WDPCP: variants seen among roughly 807,000 people sequenced by gnomAD.
WDPCP encodes WD repeat-containing and planar cell polarity effector protein fritz homolog.
A neutral mutation model predicts 93.1 loss-of-function variants in WDPCP; 71 were observed. That is an observed-to-expected ratio of 0.76 (90% CI 0.63 to 0.93). The LOEUF is 0.93. WDPCP is among the 40% of genes least tolerant of loss of function. The pLI, the probability that WDPCP is intolerant of heterozygous loss-of-function variation, is 0.00. For missense variants in WDPCP, 844 were observed against 887.4 expected, an observed-to-expected ratio of 0.95 and a Z score of 0.62; for synonymous variants, 315 against 315.0, an observed-to-expected ratio of 1.00 and a Z score of 0.00.
At position 63,308,623 on chromosome 2, in the gene WDPCP, C is replaced by T. The variant is rs560129612; in HGVS notation, c.1812+4625G>A. On this transcript the variant is annotated intron_variant, in intron 13 of 17. Transcript: ENST00000272321. ...ATGGATGAAGCTGGAAACCATCATT[C>T]TCAGCAAGCTAACACAGGAACAGAA... Among the ~76,000 whole-genome samples the T allele has an allele frequency of 6.6e-5, 10 of 152,204 alleles. No homozygotes were observed. In the East Asian group the frequency reaches 1.5e-3, roughly 24 times the overall value.
intron 1 of WDPCP, among the ~76,000 whole-genome samples, chr2:63,587,450 A>T (rs1204620600): frequency 1.3e-5 from 2 of 152,250 alleles, no homozygotes; most frequent in East Asian, 3.8e-4. Flanking sequence ...AAAGCATTAC[A>T]TTTCTTTCCA....
chr2:63,257,069 C>G (rs1381369738), intron 14 of WDPCP, among the ~76,000 whole-genome samples: 1 of 152,114 alleles, frequency 6.6e-6, no homozygotes, highest in Non-Finnish European at 1.5e-5. Flanking sequence ...GCATGTTAGA[C>G]TTCAATAAAA....
intron 2 of WDPCP, among the ~76,000 whole-genome samples, chr2:63,727,148 C>T (rs756123194): frequency 5.8e-4 from 89 of 152,210 alleles, no homozygotes; most frequent in Non-Finnish European, 1.1e-3. Context: ...ATGCTTTCAG[C>T]TTTTGCCCAT....
intron 9 of WDPCP, among the ~76,000 whole-genome samples, chr2:63,414,167 T>A (rs1695230650): frequency 6.6e-6 from 1 of 151,798 alleles, no homozygotes; most frequent in East Asian, 1.9e-4. Flanking sequence ...AATCAAAACA[T>A]AAAAAAACAG....
rs1240526807 is a variant in WDPCP at position 63,695,733 on chromosome 2, G to A, written n.309-44895C>T. Among the ~76,000 whole-genome samples, 6 of 151,996 alleles carry A rather than the reference G, an allele frequency of 3.9e-5. No individual in the cohort carries two copies. The East Asian group carries it at 5.8e-4, about 15-fold the overall frequency. On this transcript the variant is annotated intron_variant and non_coding_transcript_variant, in intron 2 of 4. Transcript: ENST00000467687. Reference sequence around the variant, plus strand: ...ACACACCCATGTAACCAGCACCCAGGTCAAAACCCAAAATGTTATCCACCC... The same window carrying A: ...ACACACCCATGTAACCAGCACCCAGATCAAAACCCAAAATGTTATCCACCC...
chr2:63,823,016 A>G (rs1671046381), intron 1 of WDPCP, among the ~76,000 whole-genome samples: 1 of 151,698 alleles, frequency 6.6e-6, no homozygotes, highest in African/African-American at 2.4e-5. Flanking sequence ...CAAATAACTC[A>G]TCAGAAAAAC....
At chr2:63,515,157 A>C (rs1321217319) in intron 1 of WDPCP, among the ~76,000 whole-genome samples, 1 of 152,286 alleles carries the variant, frequency 6.6e-6, no homozygotes, top group Non-Finnish European at 1.5e-5. Flanking sequence ...ATTTTAATAT[A>C]TTTATAAATT....
At position 63,279,478 on chromosome 2, in the gene WDPCP, C is replaced by G. The variant is rs548026060; in HGVS notation, c.1813-20069G>C. Among the ~76,000 whole-genome samples, 15 of 152,294 alleles carry G rather than the reference C, an allele frequency of 9.8e-5. 1 individual carries two copies. In the South Asian group the frequency reaches 3.1e-3, roughly 32 times the overall value. On this transcript the variant is annotated intron_variant, in intron 13 of 17. Transcript: ENST00000272321. ...CAGACCTTAATGTAATAAAAGCCAT[C>G]TATGACAAACCCACAGCCAACATAA...
chr2:63,618,406 G>A (rs939604865), intron 3 of WDPCP, among the ~76,000 whole-genome samples: 4 of 152,284 alleles, frequency 2.6e-5, no homozygotes, highest in African/African-American at 7.2e-5. Context: ...AAGTACATTC[G>A]AGTCTCATCA....
intron 1 of WDPCP, among the ~76,000 whole-genome samples, chr2:63,557,703 C>T (rs1040897508): frequency 3.3e-5 from 5 of 152,068 alleles, no homozygotes; most frequent in African/African-American, 1.2e-4. Context: ...ACATTCTTCT[C>T]GGTGCCACAT....
intron 1 of WDPCP, among the ~76,000 whole-genome samples, chr2:63,823,126 T>C (rs1671048167): frequency 6.6e-6 from 1 of 151,218 alleles, no homozygotes; most frequent in African/African-American, 2.4e-5. Context: ...TTTGTAAAAT[T>C]TCAAGCCTAC....
At chr2:63,386,806 A>T (rs191226524) in intron 10 of WDPCP, among the ~76,000 whole-genome samples, 3 of 152,184 alleles carry the variant, frequency 2.0e-5, no homozygotes, top group Non-Finnish European at 4.4e-5. Context: ...TGAAAGGATT[A>T]AAAAACTGTG....
At chr2:63,824,537 CAAAAAAAAAAAA>C (rs70965144) in intron 1 of WDPCP, among the ~76,000 whole-genome samples, 4 of 85,330 alleles carry the variant, frequency 4.7e-5, no homozygotes, top group Admixed American at 1.6e-4. Flanking sequence ...GACCATGTTT[CAAAAAAAAAAAA>C]AAAAAAAAAA....
At chr2:63,830,980 C>G (rs540407257), upstream of WDPCP, among the ~76,000 whole-genome samples, 2 of 152,098 alleles carry the variant, frequency 1.3e-5, no homozygotes, top group Non-Finnish European at 2.9e-5. Flanking sequence ...CTGTCTCCTA[C>G]GAATTTCAAA....
chr2:63,148,974 G>C (rs1382915658), intron 17 of WDPCP, among the ~76,000 whole-genome samples: 2 of 151,974 alleles, frequency 1.3e-5, no homozygotes, highest in Non-Finnish European at 2.9e-5. Flanking sequence ...TTGGAAATAA[G>C]GAAGGACATC....
intron 6 of WDPCP, among the ~76,000 whole-genome samples, chr2:63,475,910 G>C (rs1033204545): frequency 6.6e-6 from 1 of 151,990 alleles, no homozygotes; most frequent in African/African-American, 2.4e-5. Context: ...TCACCTCTTA[G>C]GTGATTTGGG....
chr2:63,183,705 G>T (rs770757232), intron 14 of WDPCP, among the ~76,000 whole-genome samples: 30 of 152,070 alleles, frequency 2.0e-4, no homozygotes, highest in Non-Finnish European at 3.5e-4. Context: ...AATGATCTGT[G>T]AACTGCTACA....
chr2:63,147,963 G>C (rs1266583014), intron 17 of WDPCP, among the ~76,000 whole-genome samples: 2 of 92,990 alleles, frequency 2.2e-5, no homozygotes, highest in Non-Finnish European at 4.1e-5. Flanking sequence ...GTAAGACTCT[G>C]TCTCAAAAAA....
chr2:63,336,371 G>GTA (rs1424752271), intron 12 of WDPCP, among the ~76,000 whole-genome samples: 3 of 152,046 alleles, frequency 2.0e-5, no homozygotes, highest in Non-Finnish European at 4.4e-5. Flanking sequence ...TAATTGCTCT[G>GTA]ACTAGCAGTT....
Sources: allele counts gnomAD v4.1 joint callset (sites outside exome capture counted in the v4.1 genomes callset), GRCh38; gene constraint gnomAD v4.1.1; transcripts MANE v1.5; gene names NCBI Gene and HGNC (gene_info 2026-07-23, HGNC 2026-07-21).